RNF19B: variants seen among roughly 807,000 people sequenced by gnomAD.
RNF19B encodes the protein E3 ubiquitin-protein ligase RNF19B.
RNF19B carries 23 observed loss-of-function variants against 65.5 expected under a neutral mutation model. The observed-to-expected ratio is 0.35, with a 90% CI of 0.25 to 0.50. The LOEUF (loss-of-function observed/expected upper bound fraction) is 0.50. Among genes scored for constraint, RNF19B ranks in the 20% least tolerant of loss-of-function variants. RNF19B has a pLI of 0.98. For missense variants in RNF19B, 794 were observed against 980.0 expected (o/e 0.81, Z 2.53); for synonymous variants, 372 against 379.6 (o/e 0.98, Z 0.23).
At chr1:32,932,622 T>C (rs1317560444), downstream of RNF19B, among the ~76,000 whole-genome samples, 2 of 152,190 alleles carry the variant, frequency 1.3e-5, no homozygotes, top group Non-Finnish European at 2.9e-5. Flanking sequence ...CAAGTAGTAC[T>C]AGTGATCAGA....
intron 1 of RNF19B, among the ~76,000 whole-genome samples, chr1:32,956,778 A>G (rs1458651050): frequency 6.6e-6 from 1 of 152,130 alleles, no homozygotes; most frequent in Non-Finnish European, 1.5e-5. Flanking sequence ...TTATGCTCCA[A>G]TAGACTTCAG....
intron 7 of RNF19B, among the ~76,000 whole-genome samples, chr1:32,939,691 C>T (rs1642186541): frequency 6.6e-6 from 1 of 152,208 alleles, no homozygotes; most frequent in Admixed American, 6.5e-5. Flanking sequence ...TCTCAGAGCC[C>T]ATAACTATTG....
At chr1:32,960,306 C>A (rs1352109276) in intron 1 of RNF19B, among the ~76,000 whole-genome samples, 1 of 152,084 alleles carries the variant, frequency 6.6e-6, no homozygotes, top group African/African-American at 2.4e-5. Flanking sequence ...AATGCACATA[C>A]AAACAAGGCA....
intron 6 of RNF19B, 53 bp downstream of exon 6, chr1:32,943,965 AT>A: frequency 9.7e-6 from 15 of 1,549,122 alleles, no homozygotes; most frequent in Non-Finnish European, 1.3e-5. Flanking sequence ...AATTTTACTG[AT>A]TTTTATCTTG....
At chr1:32,963,504 T>C (rs2124197927) in intron 1 of RNF19B, among the ~76,000 whole-genome samples, 1 of 151,714 alleles carries the variant, frequency 6.6e-6, no homozygotes, top group African/African-American at 2.4e-5. Flanking sequence ...TCACCTGAGG[T>C]CAGGAGTTCG....
intron 7 of RNF19B, 145 bp from the exon 8 acceptor site, chr1:32,938,673 A>T: frequency 1.3e-6 from 1 of 764,736 alleles, no homozygotes; most frequent in East Asian, 2.5e-5. Flanking sequence ...GCGCAAATAG[A>T]TGCCCATACA....
chr1:32,936,732 G>C lies in RNF19B; in HGVS notation c.*74C>G. On this transcript the variant is annotated 3_prime_UTR_variant, in exon 9 of 9. Coordinates refer to ENST00000235150, the MANE Select transcript of RNF19B (RefSeq NM_001300826.2). ...TAAAATACATAAATCTCTACCCCTTGGAAAAAAAAAAAAAAAAATTCCAAA... is the reference window on the plus strand; with the variant it reads ...TAAAATACATAAATCTCTACCCCTTCGAAAAAAAAAAAAAAAAATTCCAAA... 1 of 1,218,432 alleles carries C rather than the reference G, an allele frequency of 8.2e-7. No individual in the cohort carries two copies. The highest frequency in any genetic ancestry group is 1.1e-6 in the Non-Finnish European group (1 of 896,978). 75.5% of individuals were successfully genotyped at this position (1,218,432 alleles called of 1,614,324 possible).
At chr1:32,943,387 G>A (rs181381311) in intron 6 of RNF19B, among the ~76,000 whole-genome samples, 5 of 152,124 alleles carry the variant, frequency 3.3e-5, no homozygotes, top group African/African-American at 9.6e-5. Flanking sequence ...CAAGGTGGGC[G>A]GATCATGGGG....
Position 32,937,145 on chromosome 1 carries a change from C to T in RNF19B, c.1857G>A (p.Glu619=). ...CGCCACCACTACCTTCTTCTTCATT[C>T]TCTGCCATCTGAGCATGAACATGGA... ...DSLHVHAQMA[E]NEEEGSGGGG... Residue 619 remains glutamate, a synonymous_variant, in exon 9 of 9, where the codon GAG becomes GAA. Transcript: ENST00000235150. 6.2e-7 allele frequency: 1 copy of T among 1,614,228 alleles called. No homozygotes were observed. Among genetic ancestry groups the T allele is most frequent in the Non-Finnish European group, 8.5e-7 (1 of 1,180,048 alleles).
At chr1:32,953,211 C>G (rs1381796431) in intron 1 of RNF19B, among the ~76,000 whole-genome samples, 1 of 151,672 alleles carries the variant, frequency 6.6e-6, no homozygotes, top group Non-Finnish European at 1.5e-5. Context: ...TGTCTTCAAG[C>G]AACCCTCCCG....
chr1:32,934,517 C>A (rs182299027), downstream of RNF19B, among the ~76,000 whole-genome samples: 1 of 152,184 alleles, frequency 6.6e-6, no homozygotes, highest in African/African-American at 2.4e-5. Context: ...CCCATCTCTA[C>A]TAAAAATACA....
intron 1 of RNF19B, among the ~76,000 whole-genome samples, chr1:32,952,449 A>C (rs194649): frequency 0.18 from 25,695 of 145,040 alleles, 2,952 homozygotes; most frequent in East Asian, 0.31. Flanking sequence ...AAAAAAAAAA[A>C]AAAAAAAAAA....
intron 5 of RNF19B, among the ~76,000 whole-genome samples, 161 bp downstream of exon 5, chr1:32,945,353 T>A (rs768250614): frequency 3.3e-5 from 5 of 152,208 alleles, no homozygotes; most frequent in African/African-American, 1.2e-4. Flanking sequence ...TTGGTGTGCT[T>A]GAAAAACTTA....
At chr1:32,947,751 ATACT>A (rs1447611583) in intron 3 of RNF19B, among the ~76,000 whole-genome samples, 14 of 152,106 alleles carry the variant, frequency 9.2e-5, no homozygotes, top group African/African-American at 3.1e-4. Context: ...TAGCCTCAAG[ATACT>A]TACAGTTTAG....
Position 32,946,488 on chromosome 1 carries a change from T to C in RNF19B, c.1060A>G (p.Ile354Val). The change falls in exon 4 of 9, where the codon ATT (isoleucine) becomes GTT (valine). Residue 354 changes from isoleucine (I) to valine (V), a missense_variant. Ile to Val is a conservative substitution (Grantham distance 29). Transcript: ENST00000235150. The part of the protein sequence containing the change: ...KKILWQLGTL[I>V]GAPVGISLIA... ...AGAGAAATCCCCACTGGAGCACCAA[T>C]CAACGTGCCCAGCTGCCAAAGAATT... The C allele has an allele frequency of 6.2e-7, 1 of 1,614,064 alleles. No individual in the cohort carries two copies.
chr1:32,931,070 A>G, the RNF19B span, among the ~76,000 whole-genome samples: 1 of 150,248 alleles, frequency 6.7e-6, no homozygotes, highest in African/African-American at 2.4e-5. Context: ...CGTAGGCAAC[A>G]GAGCAAGACT....
intron 1 of RNF19B, among the ~76,000 whole-genome samples, chr1:32,951,006 A>G (rs1336398700): frequency 1.3e-5 from 2 of 151,658 alleles, no homozygotes; most frequent in African/African-American, 4.9e-5. Context: ...TGCGCAGCTA[A>G]TTTTTGTATT....
At chr1:32,955,613 G>GT (rs1642618187) in intron 1 of RNF19B, among the ~76,000 whole-genome samples, 1 of 151,800 alleles carries the variant, frequency 6.6e-6, no homozygotes. Context: ...GTGCATGCCT[G>GT]TAGTGCATGC....
chr1:32,950,070 A>T (rs1350091239), intron 1 of RNF19B, among the ~76,000 whole-genome samples: 2 of 152,106 alleles, frequency 1.3e-5, no homozygotes, highest in African/African-American at 2.4e-5. Context: ...CCCAGGTTCA[A>T]GCAATTCTCC....
Sources: gnomAD v4.1 joint callset for allele counts (sites outside exome capture counted in the v4.1 genomes callset) on GRCh38, gnomAD v4.1.1 for gene constraint, MANE v1.5 for transcripts, NCBI Gene and HGNC (gene_info 2026-07-23, HGNC 2026-07-21) for gene names.